RELL1: variants seen among roughly 807,000 people sequenced by gnomAD.
The protein encoded by RELL1 is RELT-like protein 1.
In RELL1, 10 loss-of-function variants were observed where a neutral mutation model predicts 23.0. The observed-to-expected ratio is 0.43, with a 90% CI of 0.27 to 0.74. The LOEUF is 0.74. Among genes scored for constraint, RELL1 ranks in the 30% least tolerant of loss-of-function variants. The probability of loss-of-function intolerance (pLI) is 0.19; values close to 1 mark genes in which losing one functional copy is unlikely to be tolerated. For synonymous variants in RELL1, 146 were observed against 146.8 expected, an observed-to-expected ratio of 0.99 and a Z score of 0.04; for missense variants, 315 against 364.4, an observed-to-expected ratio of 0.86 and a Z score of 1.10.
At chr4:37,683,754 TC>T (rs1722297729) in intron 1 of RELL1, among the ~76,000 whole-genome samples, 1 of 146,464 alleles carries the variant, frequency 6.8e-6, no homozygotes, top group African/African-American at 2.5e-5. Context: ...CAAGACTCTG[TC>T]TCAAAAAACA....
At chr4:37,625,283 G>A (rs1329804578) in intron 6 of RELL1, among the ~76,000 whole-genome samples, 2 of 151,550 alleles carry the variant, frequency 1.3e-5, no homozygotes, top group African/African-American at 2.4e-5. Flanking sequence ...AAACACATAG[G>A]AGGAAAGTTC....
downstream of RELL1, among the ~76,000 whole-genome samples, chr4:37,589,733 G>A (rs1718501172): frequency 2.0e-5 from 3 of 152,274 alleles, no homozygotes; most frequent in African/African-American, 7.2e-5. Flanking sequence ...CCAGGTTCAA[G>A]CGATTCTCCT....
chr4:37,606,040 AAGAAAAAG>A (rs1295844632), downstream of RELL1, among the ~76,000 whole-genome samples: 1 of 149,140 alleles, frequency 6.7e-6, no homozygotes, highest in Non-Finnish European at 1.5e-5. This position sits in a 1 kb window ranked among gnomAD's most constrained non-coding sequence, Gnocchi z 4.1. Flanking sequence ...AGGAGAAAGA[AAGAAAAAG>A]AAGAAAGGGA....
chr4:37,618,416 T>G (rs1719648041), intron 6 of RELL1, among the ~76,000 whole-genome samples: 1 of 152,114 alleles, frequency 6.6e-6, no homozygotes, highest in Non-Finnish European at 1.5e-5. Flanking sequence ...TATTTATTTT[T>G]TTAAGTAGAG....
intron 6 of RELL1, among the ~76,000 whole-genome samples, chr4:37,630,124 G>A (rs1002291563): frequency 3.5e-5 from 5 of 144,398 alleles, no homozygotes; most frequent in African/African-American, 1.0e-4. Flanking sequence ...CCCATTGCCC[G>A]CCCTCCCTTC....
At chr4:37,622,499 G>GTTCT (rs1302636664) in intron 6 of RELL1, among the ~76,000 whole-genome samples, 1 of 152,158 alleles carries the variant, frequency 6.6e-6, no homozygotes, top group African/African-American at 2.4e-5. Flanking sequence ...TTATATTTCA[G>GTTCT]TTCTTTTTTA....
At chr4:37,666,691 G>A (rs1048187632) in intron 1 of RELL1, among the ~76,000 whole-genome samples, 1 of 152,146 alleles carries the variant, frequency 6.6e-6, no homozygotes, top group Non-Finnish European at 1.5e-5. Flanking sequence ...GAAAAGATAA[G>A]CCCTGGGGGT....
intron 1 of RELL1, among the ~76,000 whole-genome samples, chr4:37,671,272 A>C (rs11096897): frequency 3.8e-4 from 58 of 152,316 alleles, no homozygotes; most frequent in African/African-American, 1.2e-3. Flanking sequence ...TTGAACCAGA[A>C]TAACTCCATC....
chr4:37,646,004 A>T (rs1720698369), intron 3 of RELL1, among the ~76,000 whole-genome samples: 1 of 152,128 alleles, frequency 6.6e-6, no homozygotes, highest in Non-Finnish European at 1.5e-5. Context: ...TTTACTGATG[A>T]GTGTGGTGTA....
chr4:37,683,005 T>A (rs1027008759), intron 1 of RELL1, among the ~76,000 whole-genome samples: 1 of 152,208 alleles, frequency 6.6e-6, no homozygotes, highest in African/African-American at 2.4e-5. Context: ...TTGTGGTATA[T>A]AGTTTCGAAT....
chr4:37,668,922 A>G (rs1310052812), intron 1 of RELL1, among the ~76,000 whole-genome samples: 1 of 150,024 alleles, frequency 6.7e-6, no homozygotes, highest in Non-Finnish European at 1.5e-5. Context: ...CTGAGAAGTG[A>G]GGAGACCCTC....
intron 6 of RELL1, among the ~76,000 whole-genome samples, 176 bp downstream of exon 6, chr4:37,631,209 C>T (rs538951509): frequency 1.3e-5 from 2 of 152,296 alleles, no homozygotes; most frequent in African/African-American, 4.8e-5. Flanking sequence ...TTACAAGAAG[C>T]TCTAGGCAGA....
At chr4:37,622,067 T>C (rs868804140) in intron 6 of RELL1, among the ~76,000 whole-genome samples, 1 of 152,248 alleles carries the variant, frequency 6.6e-6, no homozygotes, top group Non-Finnish European at 1.5e-5. Context: ...GCTTTTTAAC[T>C]GTGTCTACCA....
At chr4:37,591,094 T>C in exon 7 of RELL1, 6 of 1,023,314 alleles carry the variant, frequency 5.9e-6, no homozygotes, top group Non-Finnish European at 7.2e-6. Flanking sequence ...TCTGCCAGCA[T>C]GCACCAGTGC....
intron 4 of RELL1, among the ~76,000 whole-genome samples, chr4:37,637,548 C>A (rs924030413): frequency 2.0e-5 from 3 of 152,198 alleles, no homozygotes; most frequent in Admixed American, 6.5e-5. Context: ...CTTCCATGAA[C>A]CTTCCTGAAT....
At position 37,613,292 on chromosome 4, in the gene RELL1, C is replaced by A. The variant is rs1719469840; in HGVS notation, c.*54G>T. 6.6e-6 allele frequency: 1 copy of A among 152,190 alleles called. No homozygotes were observed. Among genetic ancestry groups the A allele is most frequent in the Non-Finnish European group, 1.5e-5 (1 of 68,042 alleles). 9.4% of individuals were successfully genotyped at this position (152,190 alleles called of 1,614,324 possible). On this transcript the variant is annotated 3_prime_UTR_variant, in exon 7 of 7. Transcript: ENST00000454158. ...AAAATATATAAAAATATTCCCAAGG[C>A]AACTTCATATAAGTTTTCAGTCTCT... is the stretch of plus-strand genomic sequence containing the variant.
chr4:37,614,162 G>C (rs1167807875), intron 6 of RELL1, among the ~76,000 whole-genome samples: 1 of 152,130 alleles, frequency 6.6e-6, no homozygotes, highest in Admixed American at 6.5e-5. Context: ...GTGTTTTGAA[G>C]AACATACTTT....
chr4:37,626,168 C>T (rs546736128), intron 6 of RELL1, among the ~76,000 whole-genome samples: 19 of 152,156 alleles, frequency 1.2e-4, no homozygotes, highest in South Asian at 8.3e-4. Context: ...GAAAACAGTA[C>T]GCAGGTCACT....
intron 6 of RELL1, among the ~76,000 whole-genome samples, chr4:37,613,872 T>C (rs1719488208): frequency 1.3e-5 from 2 of 152,264 alleles, no homozygotes; most frequent in Admixed American, 6.5e-5. Flanking sequence ...AATAGCTCCC[T>C]GCTTTTCAAA....
Sources: allele counts gnomAD v4.1 joint callset (sites outside exome capture counted in the v4.1 genomes callset), GRCh38; gene constraint gnomAD v4.1.1; non-coding constraint Gnocchi (gnomAD v3.1); transcripts MANE v1.5; gene names NCBI Gene and HGNC (gene_info 2026-07-23, HGNC 2026-07-21).